IGSF9B: variants seen among roughly 807,000 people sequenced by gnomAD.
IGSF9B encodes the protein protein turtle homolog B.
In IGSF9B, 48 loss-of-function variants were observed where a neutral mutation model predicts 143.7. The observed-to-expected ratio is 0.33, with a 90% confidence interval of 0.26 to 0.42. The LOEUF (loss-of-function observed/expected upper bound fraction) is 0.42, where lower values mean the gene tolerates loss of function less well. Among genes scored for constraint, IGSF9B ranks in the 20% least tolerant of loss-of-function variants. The pLI is 1.00. For synonymous variants in IGSF9B, 903 were observed against 833.1 expected (o/e 1.08, Z -1.44); for missense variants, 1,706 against 1,980.0 (o/e 0.86, Z 2.63).
rs1010909162 is a variant in IGSF9B, at chr11:133,952,488, C to G, written c.64+4203G>C. Among the ~76,000 whole-genome samples the G allele has an allele frequency of 2.0e-5, 3 of 152,200 alleles. No individual in the cohort carries two copies. The East Asian group carries it at 5.8e-4, about 29-fold the overall frequency. On this transcript the variant is annotated intron_variant, in intron 1 of 19. Coordinates refer to ENST00000533871, the MANE Select transcript of IGSF9B (RefSeq NM_001277285.4). ...CTGCAGCACGGAGAGGAGTGGCCCC[C>G]ACCTCGTGTCTGCACACTAACTTCC...
intron 3 of IGSF9B, among the ~76,000 whole-genome samples, chr11:133,939,236 G>C (rs1390942679): frequency 1.3e-5 from 2 of 152,208 alleles, no homozygotes; most frequent in Non-Finnish European, 2.9e-5. Context: ...CACTCCTTTG[G>C]GTTATGCAAG....
chr11:133,946,439 C>A lies in IGSF9B; in HGVS notation c.65-181G>T, dbSNP rs1940054221. On this transcript the variant is annotated intron_variant, in intron 1 of 19. Coordinates refer to ENST00000533871, the MANE Select transcript of IGSF9B (RefSeq NM_001277285.4). The stretch of plus-strand genomic sequence containing the variant: ...TCCCTCTCCCCCTCGCTGCTCATAC[C>A]TCCCTCTGTCCTGGGGCCCCCAGGC... 12 of 611,444 alleles carry A rather than the reference C, an allele frequency of 2.0e-5. No homozygotes were observed. In the South Asian group the frequency reaches 2.3e-4, roughly 12 times the overall value. 37.9% of individuals were successfully genotyped at this position (611,444 alleles called of 1,614,324 possible). A position where few individuals can be genotyped will look rare whatever the true frequency, so the allele number is the denominator to read the frequency against.
chr11:133,905,140 T>C lies in IGSF9B; in HGVS notation c.*3929A>G, dbSNP rs1233571223. On this transcript the variant is annotated 3_prime_UTR_variant, in exon 20 of 20. Coordinates refer to ENST00000533871, the MANE Select transcript of IGSF9B (RefSeq NM_001277285.4). This position sits in a 1 kb window ranked among gnomAD's most constrained non-coding sequence, Gnocchi z 4.0. ...CCCTGCAGTGCCCCCAAAGCTCCTTTACATGCAAGCAAAGCAAGCCCAAGA... is the reference window on the plus strand; with the variant it reads ...CCCTGCAGTGCCCCCAAAGCTCCTTCACATGCAAGCAAAGCAAGCCCAAGA... Among the ~76,000 whole-genome samples the C allele has an allele frequency of 6.6e-6, 1 of 151,910 alleles. No individual in the cohort carries two copies. The highest frequency in any genetic ancestry group is 2.4e-5 in the African/African-American group (1 of 41,304).
intron 7 of IGSF9B, among the ~76,000 whole-genome samples, chr11:133,935,137 AGCAGGC>A: frequency 6.6e-6 from 1 of 152,320 alleles, no homozygotes. Context: ...CGCCAGAGGG[AGCAGGC>A]GCAGGAGCTG....
chr11:133,949,590 G>C (rs1025018210), intron 1 of IGSF9B, among the ~76,000 whole-genome samples: 1 of 152,134 alleles, frequency 6.6e-6, no homozygotes, highest in African/African-American at 2.4e-5. Flanking sequence ...GCAGAGGAGG[G>C]GCCAGGTGTG....
chr11:133,919,321 C>T (rs1591710452), intron 18 of IGSF9B, among the ~76,000 whole-genome samples: 2 of 152,110 alleles, frequency 1.3e-5, no homozygotes, highest in South Asian at 2.1e-4. Context: ...CAGCAGGGGC[C>T]GGGGAAGAAA....
At chr11:133,936,599 A>G (rs1939828367) in intron 5 of IGSF9B, among the ~76,000 whole-genome samples, 1 of 152,142 alleles carries the variant, frequency 6.6e-6, no homozygotes, top group Admixed American at 6.5e-5. Flanking sequence ...AGAGGGTGAA[A>G]GTCCAGCAGT....
chr11:133,941,743 T>A (rs1939958714), intron 3 of IGSF9B, among the ~76,000 whole-genome samples: 2 of 152,320 alleles, frequency 1.3e-5, no homozygotes, highest in South Asian at 4.1e-4. Context: ...AGCATTTCCC[T>A]ATGAACAGCC....
chr11:133,940,871 C>G (rs1565445150), intron 3 of IGSF9B, among the ~76,000 whole-genome samples: 2 of 152,202 alleles, frequency 1.3e-5, no homozygotes, highest in East Asian at 3.8e-4. Flanking sequence ...TATTCGAAGT[C>G]CTGTAAAGGG....
In IGSF9B at chr11:133,931,370, G is replaced by A; in HGVS notation, c.1368+83C>T. On this transcript the variant is annotated intron_variant, in intron 10 of 19. Coordinates refer to ENST00000533871, the MANE Select transcript of IGSF9B (RefSeq NM_001277285.4). The surrounding 1 kb of genome is among the most constrained non-coding windows in gnomAD (Gnocchi z 7.7). ...CCTCCCCTCAGCCCCGGGGCTCGCT[G>A]GGCCCTCAAACCTCCCCGCAGCCCC... is the stretch of plus-strand genomic sequence containing the variant. 9.6e-7 allele frequency: 1 copy of A among 1,037,558 alleles called. No homozygotes were observed. Among genetic ancestry groups the A allele is most frequent in the Non-Finnish European group, 1.4e-6 (1 of 693,050 alleles). 64.3% of individuals were successfully genotyped at this position (1,037,558 alleles called of 1,614,324 possible). A position where few individuals can be genotyped will look rare whatever the true frequency, so the allele number is the denominator to read the frequency against.
At chr11:133,940,617 A>G (rs1440623489) in intron 3 of IGSF9B, among the ~76,000 whole-genome samples, 13 of 143,604 alleles carry the variant, frequency 9.1e-5, no homozygotes, top group Admixed American at 3.5e-4. Context: ...ACATAAACAT[A>G]CACCTTGCAC....
rs945998234 is a variant in IGSF9B at position 133,906,678 on chromosome 11, C to T, written c.*2391G>A. The stretch of plus-strand genomic sequence containing the variant: ...GCAAAGCCTTCTACCTCATCATCTC[C>T]TCTTCTTTTCTAACCTGAGGGCTGG... On this transcript the variant is annotated 3_prime_UTR_variant, in exon 20 of 20. Coordinates refer to ENST00000533871, the MANE Select transcript of IGSF9B (RefSeq NM_001277285.4). Among the ~76,000 whole-genome samples the T allele has an allele frequency of 1.3e-5, 2 of 152,226 alleles. No individual in the cohort carries two copies. The highest frequency in any genetic ancestry group is 4.8e-5 in the African/African-American group (2 of 41,462).
chr11:133,909,221 CA>C lies in IGSF9B; in HGVS notation c.4161del (p.Asp1387GlufsTer57). On this transcript the variant is annotated frameshift_variant, in exon 20 of 20. Transcript: ENST00000533871. LOFTEE classifies it high-confidence loss of function. The surrounding 1 kb of genome is among the most constrained non-coding windows in gnomAD (Gnocchi z 4.2). Reference protein sequence around the residue: ...QLPNSQVLWPDEAVCLRKKKR... With the variant: ...QLPNSQVLWPXEAVCLRKKKR... Reference sequence around the variant, plus strand: ...TTCTTCTTTCGGAGGCAGACAGCTTCATCGGGCCACAGAACCTGAGAGTTGG... The same window carrying C: ...TTCTTCTTTCGGAGGCAGACAGCTTCTCGGGCCACAGAACCTGAGAGTTGG... 1 of 1,535,914 alleles carries C rather than the reference CA, an allele frequency of 6.5e-7. No homozygotes were observed. Among genetic ancestry groups the C allele is most frequent in the Non-Finnish European group, 8.7e-7 (1 of 1,146,736 alleles).
chr11:133,938,091 G>A, intron 3 of IGSF9B, 130 bp from the exon 4 acceptor site: 1 of 1,079,968 alleles, frequency 9.3e-7, no homozygotes, highest in Non-Finnish European at 1.3e-6. Context: ...AGGAAGGTGG[G>A]GATGGGAAAA....
intron 1 of IGSF9B, chr11:133,952,359 G>A (rs1395928138): frequency 4.1e-6 from 1 of 243,540 alleles, no homozygotes; most frequent in East Asian, 1.0e-4. Context: ...TGCCACTCTG[G>A]TAACCTCTGT....
intron 18 of IGSF9B, chr11:133,919,158 G>A (rs572279411): frequency 3.8e-5 from 16 of 421,322 alleles, no homozygotes; most frequent in African/African-American, 2.9e-4. Flanking sequence ...ATGGTCACAA[G>A]GCCTGACCCT....
chr11:133,927,681 C>T (rs1939652117), intron 12 of IGSF9B, among the ~76,000 whole-genome samples: 1 of 152,210 alleles, frequency 6.6e-6, no homozygotes. Context: ...TCACGCTATG[C>T]ATGGAGAGTA....
chr11:133,922,512 G>A (rs1477170811), intron 16 of IGSF9B, 57 bp downstream of exon 16: 3 of 1,554,538 alleles, frequency 1.9e-6, no homozygotes, highest in Admixed American at 1.7e-5. Context: ...CACCTCTCTT[G>A]ATGGGGGGCA....
chr11:133,941,990 G>A lies in IGSF9B; in HGVS notation c.409+2230C>T, dbSNP rs1326887765. ...CTCTTGAAGTCTCCTTAAGACCTAG[G>A]ACAGGGTCATGCCTCCTGCTGTATT... is the stretch of plus-strand genomic sequence containing the variant. On this transcript the variant is annotated intron_variant, in intron 3 of 19. Coordinates refer to ENST00000533871, the MANE Select transcript of IGSF9B (RefSeq NM_001277285.4). Among the ~76,000 whole-genome samples, 3 of 152,152 alleles carry A rather than the reference G, an allele frequency of 2.0e-5. No individual in the cohort carries two copies. In the East Asian group the frequency reaches 5.8e-4, roughly 29 times the overall value.
Sources: allele counts gnomAD v4.1 joint callset (sites outside exome capture counted in the v4.1 genomes callset), GRCh38; gene constraint gnomAD v4.1.1; non-coding constraint Gnocchi (gnomAD v3.1); transcripts MANE v1.5; gene names NCBI Gene and HGNC (gene_info 2026-07-23, HGNC 2026-07-21).